Variants in ATP10D observed in about 807,000 individuals in gnomAD.
ATP10D encodes phospholipid-transporting ATPase VD.
Under a neutral mutation model 144.8 loss-of-function variants are expected in ATP10D, and 89 were observed. The ratio of observed to expected loss-of-function variants is 0.61; its 90% CI spans 0.52 to 0.73. ATP10D has a LOEUF of 0.73. Among genes scored for constraint, ATP10D ranks in the 30% least tolerant of loss-of-function variants. ATP10D has a pLI of 0.00. For missense variants in ATP10D, 1,603 were observed against 1,714.8 expected (o/e 0.93, Z 1.15); for synonymous variants, 571 against 615.1 (o/e 0.93, Z 1.06).
In ATP10D at chr4:47,535,496, G is replaced by A; in HGVS notation, c.777-13G>A. ...CTGTTTAAAAGTGAATTTATATGCT[G>A]TCTTTCTTATAGAGAACATTCCAAC... On this transcript the variant is annotated splice_polypyrimidine_tract_variant and intron_variant, in intron 5 of 22. Transcript: ENST00000273859. The A allele has an allele frequency of 6.3e-7, 1 of 1,594,900 alleles. No homozygotes were observed.
At chr4:47,534,304 T>C (rs934452075) in intron 5 of ATP10D, among the ~76,000 whole-genome samples, 1 of 152,196 alleles carries the variant, frequency 6.6e-6, no homozygotes, top group African/African-American at 2.4e-5. Flanking sequence ...CATCTTATTC[T>C]CTGTAAACCA....
At chr4:47,552,169 C>T (rs145657072) in intron 10 of ATP10D, among the ~76,000 whole-genome samples, 19 of 152,284 alleles carry the variant, frequency 1.2e-4, no homozygotes, top group African/African-American at 4.3e-4. Context: ...ACACACTGTT[C>T]CCACTCACCT....
At position 47,574,775 on chromosome 4, in the gene ATP10D, C is replaced by G. The variant is rs1054471162; in HGVS notation, c.3366+1778C>G. On this transcript the variant is annotated intron_variant, in intron 18 of 22. Transcript: ENST00000273859. ...AATAATTTTTTTTTTTAATGAGACACTTTACAGATCATGACTACTTTCTTG... is the reference window on the plus strand; with the variant it reads ...AATAATTTTTTTTTTTAATGAGACAGTTTACAGATCATGACTACTTTCTTG... Among the ~76,000 whole-genome samples the G allele has an allele frequency of 2.6e-5, 4 of 151,786 alleles. No homozygotes were observed. The South Asian group carries it at 6.2e-4, about 24-fold the overall frequency.
At chr4:47,498,289 T>C (rs1221547244) in intron 1 of ATP10D, among the ~76,000 whole-genome samples, 3 of 152,348 alleles carry the variant, frequency 2.0e-5, no homozygotes, top group East Asian at 3.9e-4. Flanking sequence ...TGGGACTAGA[T>C]AATTATTTGT....
At chr4:47,533,429 G>C (rs1045461992) in intron 5 of ATP10D, among the ~76,000 whole-genome samples, 4 of 152,184 alleles carry the variant, frequency 2.6e-5, no homozygotes, top group African/African-American at 9.6e-5. Context: ...ATGTATGGGA[G>C]TGAAATGATA....
chr4:47,572,026 A>C, intron 16 of ATP10D, 128 bp from the exon 17 acceptor site: 1 of 830,546 alleles, frequency 1.2e-6, no homozygotes. Flanking sequence ...TACTTCCAGG[A>C]AACTTGGAGA....
chr4:47,496,156 CTTTTT>C (rs5858072), intron 1 of ATP10D, among the ~76,000 whole-genome samples: 10 of 132,928 alleles, frequency 7.5e-5, no homozygotes, highest in South Asian at 2.3e-4. Context: ...TTTCCTTTTT[CTTTTT>C]TTTTTTTTTT....
intron 2 of ATP10D, 88 bp from the exon 3 acceptor site, chr4:47,515,388 C>A: frequency 9.5e-7 from 1 of 1,049,456 alleles, no homozygotes; most frequent in Non-Finnish European, 1.4e-6. Context: ...CTAATAGAAA[C>A]TTACAGAAAA....
At position 47,523,312 on chromosome 4, in the gene ATP10D, C is replaced by A. The variant is rs1717064179; in HGVS notation, c.690+96C>A. ...ATTACAGATAAAGAGATTTTTAATTCATTTTCACCAGGATGAAATAGAATC... is the reference window on the plus strand; with the variant it reads ...ATTACAGATAAAGAGATTTTTAATTAATTTTCACCAGGATGAAATAGAATC... On this transcript the variant is annotated intron_variant, in intron 4 of 22. Transcript: ENST00000273859. 6.0e-6 allele frequency: 6 copies of A among 997,340 alleles called. No homozygotes were observed. In the Admixed American group the frequency reaches 8.6e-5, roughly 14 times the overall value. The allele number at this position is 997,340 out of a possible 1,614,324, so 61.8% of individuals were successfully genotyped here.
chr4:47,581,870 T>G (rs1417594177), intron 20 of ATP10D, 90 bp from the exon 21 acceptor site: 2 of 1,025,196 alleles, frequency 2.0e-6, no homozygotes, highest in Non-Finnish European at 3.0e-6. Context: ...GTAGAAGGGA[T>G]TCAAGCCTTG....
intron 11 of ATP10D, chr4:47,556,868 C>T (rs1719014682): frequency 6.6e-6 from 1 of 151,922 alleles, no homozygotes; most frequent in African/African-American, 2.4e-5. Context: ...TAAGAGAAAC[C>T]AGGGTACAAA....
chr4:47,538,505 T>C (rs1214808032), intron 9 of ATP10D, among the ~76,000 whole-genome samples: 1 of 152,210 alleles, frequency 6.6e-6, no homozygotes, highest in Non-Finnish European at 1.5e-5. Flanking sequence ...GCATAACAAA[T>C]CACCACAAAC....
intron 10 of ATP10D, among the ~76,000 whole-genome samples, chr4:47,549,527 A>C (rs1200087014): frequency 2.0e-5 from 3 of 152,236 alleles, no homozygotes; most frequent in African/African-American, 7.2e-5. Context: ...TTATGGGATA[A>C]TGAATTTATT....
At chr4:47,511,410 GC>G (rs1716320129) in intron 1 of ATP10D, among the ~76,000 whole-genome samples, 1 of 152,038 alleles carries the variant, frequency 6.6e-6, no homozygotes, top group African/African-American at 2.4e-5. Flanking sequence ...ATACTCAGAG[GC>G]TGTTGTTCTT....
At position 47,591,062 on chromosome 4, in the gene ATP10D, A is replaced by G; in HGVS notation, c.3962A>G (p.Gln1321Arg). 6.2e-7 allele frequency: 1 copy of G among 1,608,586 alleles called. No homozygotes were observed. The highest frequency in any genetic ancestry group is 8.5e-7 in the Non-Finnish European group (1 of 1,177,314). ...LLPRFVYRVL[Q>R]GSLFPSPILR... ...CCTAGGTTTGTATACAGAGTTCTTC[A>G]GGGATCCCTGTTTCCATCTCCAATT... Residue 1321 changes from glutamine (Q) to arginine (R), a missense_variant, in exon 23 of 23, where the codon CAG becomes CGG. Gln to Arg is a conservative substitution (Grantham distance 43). Coordinates refer to ENST00000273859, the MANE Select transcript of ATP10D (RefSeq NM_020453.4).
chr4:47,591,193 AACC>A lies in ATP10D; in HGVS notation c.4095_4097del (p.Asn1365_Gln1366delinsLys). 6.2e-7 allele frequency: 1 copy of A among 1,613,626 alleles called. No homozygotes were observed. Among genetic ancestry groups the A allele is most frequent in the South Asian group, 1.1e-5 (1 of 91,058 alleles). Reference sequence around the variant, plus strand: ...GAATCAAGTGACATCAAAGTATGCTAACCAATCAGCTGGCAAGTCAGGAAGAAG... The same window carrying A: ...GAATCAAGTGACATCAAAGTATGCTAAATCAGCTGGCAAGTCAGGAAGAAG... On this transcript the variant is annotated inframe_deletion, in exon 23 of 23. Coordinates refer to ENST00000273859, the MANE Select transcript of ATP10D (RefSeq NM_020453.4).
chr4:47,552,648 A>C (rs1718784729), intron 10 of ATP10D, among the ~76,000 whole-genome samples: 1 of 152,202 alleles, frequency 6.6e-6, no homozygotes, highest in Non-Finnish European at 1.5e-5. Flanking sequence ...TTTAGACCGT[A>C]GTAAATAGCA....
Position 47,576,894 on chromosome 4 carries a change from A to G in ATP10D, c.3488A>G (p.Tyr1163Cys), listed in dbSNP as rs1408944862. Reference sequence around the variant, plus strand: ...TTCACATCTGCCCCTCCTGTCATTTATGGTGTTTTGGAGAAAGATGTGTCT... The same window carrying G: ...TTCACATCTGCCCCTCCTGTCATTTGTGGTGTTTTGGAGAAAGATGTGTCT... The part of the protein sequence containing the change: ...LLFTSAPPVI[Y>C]GVLEKDVSAE... Residue 1163 changes from tyrosine (Y) to cysteine (C), a missense_variant, in exon 19 of 23, where the codon TAT (tyrosine) becomes TGT (cysteine). Coordinates refer to ENST00000273859, the MANE Select transcript of ATP10D (RefSeq NM_020453.4). 6.2e-7 allele frequency: 1 copy of G among 1,613,922 alleles called. No individual in the cohort carries two copies. Among genetic ancestry groups the G allele is most frequent in the Non-Finnish European group, 8.5e-7 (1 of 1,180,020 alleles).
intron 22 of ATP10D, among the ~76,000 whole-genome samples, 181 bp from the exon 23 acceptor site, chr4:47,590,857 TATTA>T (rs900397018): frequency 1.3e-5 from 2 of 152,148 alleles, no homozygotes; most frequent in African/African-American, 4.8e-5. Context: ...GCTTTACAAA[TATTA>T]ATTTATTTAA....
Sources: allele counts gnomAD v4.1 joint callset (sites outside exome capture counted in the v4.1 genomes callset), GRCh38; gene constraint gnomAD v4.1.1; transcripts MANE v1.5; gene names NCBI Gene and HGNC (gene_info 2026-07-23, HGNC 2026-07-21).